The following RBFOX1 variants were observed in gnomAD, a reference collection of about 807,000 sequenced individuals.
RBFOX1 encodes RNA binding protein fox-1 homolog 1.
In RBFOX1, 8 loss-of-function variants were observed where a neutral mutation model predicts 57.7. The observed-to-expected ratio is 0.14, with a 90% confidence interval of 0.08 to 0.25. The LOEUF is 0.25. RBFOX1 is among the 10% of genes least tolerant of loss of function. RBFOX1 has a pLI of 1.00. For synonymous variants in RBFOX1, 326 were observed against 222.4 expected, an observed-to-expected ratio of 1.47 and a Z score of -4.15; for missense variants, 611 against 548.5, an observed-to-expected ratio of 1.11 and a Z score of -1.14.
intron 2 of RBFOX1, among the ~76,000 whole-genome samples, chr16:5,523,339 G>T (rs1302983450): frequency 1.3e-5 from 2 of 151,716 alleles, no homozygotes; most frequent in Non-Finnish European, 2.9e-5. Context: ...TTTCCAGCTG[G>T]GCGCGGTGGT....
intron 1 of RBFOX1, among the ~76,000 whole-genome samples, chr16:5,443,359 A>G (rs1005676878): frequency 1.2e-4 from 19 of 152,076 alleles, no homozygotes; most frequent in African/African-American, 4.3e-4. Context: ...TTTGTTTTAG[A>G]TGGAGTGTCA....
chr16:5,331,466 G>A (rs1480417383), intron 1 of RBFOX1, among the ~76,000 whole-genome samples: 2 of 152,222 alleles, frequency 1.3e-5, no homozygotes, highest in African/African-American at 4.8e-5. Context: ...GCTTGGCTGG[G>A]TGGTTTGTTT....
intron 1 of RBFOX1, among the ~76,000 whole-genome samples, chr16:6,081,147 C>G (rs2095995208): frequency 6.6e-6 from 1 of 152,158 alleles, no homozygotes; most frequent in Non-Finnish European, 1.5e-5. Context: ...CATAGGGCGT[C>G]TTTCAGATAC....
intron 4 of RBFOX1, among the ~76,000 whole-genome samples, chr16:7,117,461 C>A (rs2066165116): frequency 6.6e-6 from 1 of 152,138 alleles, no homozygotes; most frequent in African/African-American, 2.4e-5. Context: ...GGAATTCTAG[C>A]TTATCCAATT....
intron 1 of RBFOX1, among the ~76,000 whole-genome samples, chr16:6,084,509 G>A (rs1178869069): frequency 2.0e-5 from 3 of 152,114 alleles, no homozygotes; most frequent in African/African-American, 7.2e-5. Flanking sequence ...CTCCCAAAAT[G>A]TTGAGATTGC....
At chr16:5,768,523 C>T (rs958095519) in intron 3 of RBFOX1, among the ~76,000 whole-genome samples, 4 of 152,110 alleles carry the variant, frequency 2.6e-5, no homozygotes, top group Admixed American at 6.5e-5. Flanking sequence ...TGCAGAATAC[C>T]ATTTTTCCAG....
intron 14 of RBFOX1, among the ~76,000 whole-genome samples, chr16:7,702,671 G>A (rs1207693740): frequency 1.3e-5 from 2 of 152,266 alleles, no homozygotes; most frequent in African/African-American, 2.4e-5. Flanking sequence ...TATTGGCTGT[G>A]ACTCCTTTCC....
chr16:7,218,905 G>A (rs970466117), intron 4 of RBFOX1, among the ~76,000 whole-genome samples: 1 of 152,124 alleles, frequency 6.6e-6, no homozygotes, highest in African/African-American at 2.4e-5. Flanking sequence ...AGCATGTTCA[G>A]CACAATCTTC....
intron 2 of RBFOX1, chr16:6,483,452 G>C (rs1326845591): frequency 2.0e-6 from 3 of 1,535,694 alleles, no homozygotes; most frequent in Admixed American, 2.0e-5. Context: ...GACTTCTCCC[G>C]TGCTGTGTTT....
intron 2 of RBFOX1, among the ~76,000 whole-genome samples, chr16:6,481,532 A>C (rs1332113200): frequency 6.6e-6 from 1 of 152,186 alleles, no homozygotes; most frequent in Non-Finnish European, 1.5e-5. Flanking sequence ...TTGTGAATCA[A>C]ATTATTCCAC....
chr16:6,506,261 G>A (rs1337231999), intron 2 of RBFOX1, among the ~76,000 whole-genome samples: 1 of 152,110 alleles, frequency 6.6e-6, no homozygotes, highest in Non-Finnish European at 1.5e-5. Flanking sequence ...CATGTGGGAT[G>A]GGGGAGAGAA....
At chr16:7,535,269 G>A (rs1214848304) in intron 5 of RBFOX1, among the ~76,000 whole-genome samples, 1 of 152,176 alleles carries the variant, frequency 6.6e-6, no homozygotes, top group East Asian at 1.9e-4. Context: ...GCTCAGGGCT[G>A]CTGGGCTTAC....
At chr16:6,203,240 A>G (rs2097228008) in intron 1 of RBFOX1, among the ~76,000 whole-genome samples, 1 of 152,060 alleles carries the variant, frequency 6.6e-6, no homozygotes, top group Non-Finnish European at 1.5e-5. Context: ...TTTGACTGAC[A>G]CTTCTGTACT....
At position 5,703,862 on chromosome 16, in the gene RBFOX1, A is replaced by G. The variant is rs1490162254; in HGVS notation, c.318+104901A>G. ...TTATTATCTACATGTTATAGATGAT[A>G]TGCAGTGTATGCATGGCTTACAAAG... On this transcript the variant is annotated intron_variant, in intron 3 of 19. Transcript: ENST00000641259. Among the ~76,000 whole-genome samples the G allele has an allele frequency of 3.3e-5, 5 of 152,228 alleles. No individual in the cohort carries two copies. The South Asian group carries it at 6.2e-4, about 19-fold the overall frequency.
intron 4 of RBFOX1, among the ~76,000 whole-genome samples, chr16:7,243,083 C>G (rs1249926487): frequency 6.6e-6 from 1 of 151,974 alleles, no homozygotes; most frequent in Admixed American, 6.6e-5. Flanking sequence ...TATTCTTTGT[C>G]ATTAGCTGAA....
At chr16:5,321,468 C>T (rs1029524203) in intron 1 of RBFOX1, among the ~76,000 whole-genome samples, 1 of 152,112 alleles carries the variant, frequency 6.6e-6, no homozygotes, top group Non-Finnish European at 1.5e-5. Context: ...TACAGGCGCC[C>T]ACCACCATGC....
intron 5 of RBFOX1, among the ~76,000 whole-genome samples, chr16:7,575,862 G>A (rs539226179): frequency 2.0e-5 from 3 of 152,278 alleles, no homozygotes; most frequent in African/African-American, 4.8e-5. Flanking sequence ...TAGGCTCTGA[G>A]GTAGCTGCTC....
intron 2 of RBFOX1, among the ~76,000 whole-genome samples, chr16:6,512,337 A>C (rs1044879155): frequency 3.4e-5 from 5 of 148,802 alleles, no homozygotes; most frequent in Non-Finnish European, 6.0e-5. Context: ...TATTTAATGA[A>C]AAACATACAT....
chr16:6,776,491 G>A (rs760979868), intron 3 of RBFOX1, among the ~76,000 whole-genome samples: 15 of 152,114 alleles, frequency 9.9e-5, no homozygotes, highest in African/African-American at 4.8e-5. Flanking sequence ...TCTTTAAAGT[G>A]CATACAATTA....
Sources: allele counts gnomAD v4.1 joint callset (sites outside exome capture counted in the v4.1 genomes callset), GRCh38; gene constraint gnomAD v4.1.1; transcripts MANE v1.5; gene names NCBI Gene and HGNC (gene_info 2026-07-23, HGNC 2026-07-21).